PTPRG: variants seen among roughly 807,000 people sequenced by gnomAD.
PTPRG encodes the protein protein tyrosine phosphatase receptor type G.
In PTPRG, 102 loss-of-function variants were observed where a neutral mutation model predicts 165.3. The observed-to-expected ratio is 0.62, with a 90% confidence interval of 0.53 to 0.73. The LOEUF is 0.73. Among genes scored for constraint, PTPRG ranks in the 30% least tolerant of loss-of-function variants. PTPRG has a pLI of 0.00. For synonymous variants in PTPRG, 675 were observed against 669.5 expected, an observed-to-expected ratio of 1.01 and a Z score of -0.13; for missense variants, 1,866 against 1,861.4, an observed-to-expected ratio of 1.00 and a Z score of -0.05.
At chr3:61,952,605 GCCGGAGTTCTCAGGACA>G (rs1289881773) in intron 2 of PTPRG, among the ~76,000 whole-genome samples, 2 of 152,010 alleles carry the variant, frequency 1.3e-5, no homozygotes, top group African/African-American at 4.8e-5. Context: ...CCTCCTTGAC[GCCGGAGTTCTCAGGACA>G]CCTTAAAACC....
At chr3:62,053,329 C>A (rs954226760) in intron 4 of PTPRG, among the ~76,000 whole-genome samples, 2 of 142,750 alleles carry the variant, frequency 1.4e-5, no homozygotes, top group African/African-American at 2.6e-5. Flanking sequence ...TGCAGTGGTG[C>A]TATCTCAGCT....
chr3:61,620,009 G>T (rs1701405282), intron 1 of PTPRG, among the ~76,000 whole-genome samples: 1 of 152,220 alleles, frequency 6.6e-6, no homozygotes, highest in African/African-American at 2.4e-5. Flanking sequence ...AAGATTGGCT[G>T]TGTAGAGCCA....
intron 6 of PTPRG, among the ~76,000 whole-genome samples, chr3:62,137,194 G>A (rs1703741259): frequency 6.6e-6 from 1 of 152,138 alleles, no homozygotes; most frequent in African/African-American, 2.4e-5. Flanking sequence ...GGGGAAAATT[G>A]TAAATCCTAT....
rs142688115 is a variant in PTPRG, at chr3:61,823,953, C to T, written c.190+74971C>T. ...CATCCTGGCTAACACAGGGAAACCC[C>T]GTCTCTACTAAATTACAAAAATTAG... On this transcript the variant is annotated intron_variant, in intron 2 of 29. Coordinates refer to ENST00000474889, the MANE Select transcript of PTPRG (RefSeq NM_002841.4). Among the ~76,000 whole-genome samples, 1,008 of 152,194 alleles carry T rather than the reference C, an allele frequency of 6.6e-3. 5 individuals are homozygous for T. Among genetic ancestry groups the T allele is most frequent in the Non-Finnish European group, 9.0e-3 (615 of 68,006 alleles).
At chr3:61,695,208 A>G (rs929708715) in intron 1 of PTPRG, among the ~76,000 whole-genome samples, 2 of 152,054 alleles carry the variant, frequency 1.3e-5, no homozygotes, top group Non-Finnish European at 2.9e-5. Flanking sequence ...ACAGGATTTC[A>G]CCATGTTGCC....
chr3:61,799,920 A>G (rs567326003), intron 2 of PTPRG, among the ~76,000 whole-genome samples: 1 of 152,326 alleles, frequency 6.6e-6, no homozygotes, highest in South Asian at 2.1e-4. Flanking sequence ...ATGCTGTACT[A>G]TCACAGTTAA....
intron 1 of PTPRG, among the ~76,000 whole-genome samples, chr3:61,718,027 A>G (rs988802419): frequency 3.3e-5 from 5 of 151,486 alleles, no homozygotes; most frequent in Admixed American, 2.0e-4. Context: ...TAAAAATAAA[A>G]AAATTAGCCG....
chr3:62,123,312 C>T (rs769156971), intron 5 of PTPRG, among the ~76,000 whole-genome samples: 1 of 152,194 alleles, frequency 6.6e-6, no homozygotes, highest in Admixed American at 6.5e-5. Context: ...TTGGCATTAT[C>T]ATAGCTCACT....
chr3:61,738,313 C>CATATATAT (rs1287861300), intron 1 of PTPRG, among the ~76,000 whole-genome samples: 2 of 76,194 alleles, frequency 2.6e-5, no homozygotes, highest in South Asian at 5.6e-4. Context: ...TATATATATA[C>CATATATAT]ATATATATAT....
intron 2 of PTPRG, among the ~76,000 whole-genome samples, chr3:61,863,086 A>T (rs1325986879): frequency 6.6e-6 from 1 of 152,198 alleles, no homozygotes; most frequent in African/African-American, 2.4e-5. Flanking sequence ...GTTGTCTTGA[A>T]TGCACTGCAC....
intron 1 of PTPRG, among the ~76,000 whole-genome samples, chr3:61,644,047 A>G (rs1263345456): frequency 6.6e-6 from 1 of 152,154 alleles, no homozygotes; most frequent in African/African-American, 2.4e-5. Flanking sequence ...CATTTAAATT[A>G]TACAGTGCAC....
rs570924613 is a variant in PTPRG, at chr3:62,262,944, C to T, written c.2656+50C>T. The T allele has an allele frequency of 2.2e-6, 3 of 1,395,274 alleles. No homozygotes were observed. In the African/African-American group the frequency reaches 4.3e-5, roughly 20 times the overall value. The allele number at this position is 1,395,274 out of a possible 1,614,324, so 86.4% of individuals were successfully genotyped here. A position where few individuals can be genotyped will look rare whatever the true frequency, so the allele number is the denominator to read the frequency against. The stretch of plus-strand genomic sequence containing the variant: ...TTCAACTGCGAGGAAATTAAATTTT[C>T]ATGCTGGGTATAAGCTGAAAGCCAA... On this transcript the variant is annotated intron_variant, in intron 17 of 29. Transcript: ENST00000474889.
At chr3:62,083,951 G>A (rs569860543) in intron 5 of PTPRG, among the ~76,000 whole-genome samples, 2 of 152,230 alleles carry the variant, frequency 1.3e-5, no homozygotes, top group South Asian at 2.1e-4. Flanking sequence ...ATCTTAAGGG[G>A]AACATCTCAT....
intron 3 of PTPRG, among the ~76,000 whole-genome samples, chr3:62,000,665 C>T (rs527622957): frequency 6.6e-6 from 1 of 152,304 alleles, no homozygotes; most frequent in African/African-American, 2.4e-5. Context: ...TTTGAGCCAC[C>T]CCCGCTCTTC....
chr3:62,175,372 T>C (rs1258727677), intron 8 of PTPRG, among the ~76,000 whole-genome samples: 2 of 152,144 alleles, frequency 1.3e-5, no homozygotes, highest in Non-Finnish European at 2.9e-5. Context: ...TCCCAGCTTC[T>C]TGGGAGGTAG....
intron 17 of PTPRG, among the ~76,000 whole-genome samples, chr3:62,265,737 C>T (rs1222754520): frequency 2.0e-5 from 3 of 152,042 alleles, no homozygotes; most frequent in East Asian, 3.9e-4. Context: ...AATCAAGGCT[C>T]ACCACTGCTG....
Position 62,297,071 on chromosome 3 carries a change from C to T in PTPRG, c.*3764C>T, listed in dbSNP as rs774678333. 6.6e-5 allele frequency: 10 copies of T among 152,042 alleles called. No individual in the cohort carries two copies. The highest frequency in any genetic ancestry group is 1.3e-4 in the Non-Finnish European group (9 of 67,964). The allele number at this position is 152,042 out of a possible 1,614,324, so 9.4% of individuals were successfully genotyped here. A position where few individuals can be genotyped will look rare whatever the true frequency, so the allele number is the denominator to read the frequency against. ...TTCACATTGACTCATGTTTCTTTCA[C>T]TCCATTTTGAAATAGCTAAAAATCA... is the stretch of plus-strand genomic sequence containing the variant. On this transcript the variant is annotated 3_prime_UTR_variant, in exon 30 of 30. Transcript: ENST00000474889.
chr3:61,785,468 A>G (rs1399490988), intron 2 of PTPRG, among the ~76,000 whole-genome samples: 1 of 152,218 alleles, frequency 6.6e-6, no homozygotes, highest in Non-Finnish European at 1.5e-5. Flanking sequence ...CAGGCTAATT[A>G]AAGACCTTCC....
chr3:61,982,481 T>G lies in PTPRG; in HGVS notation c.191-7144T>G, dbSNP rs561412636. Reference sequence around the variant, plus strand: ...ACCTAAACATGCATAGGTCAAAGACTTTTAAGTCTTTAAAGGACCTTCAGA... The same window carrying G: ...ACCTAAACATGCATAGGTCAAAGACGTTTAAGTCTTTAAAGGACCTTCAGA... On this transcript the variant is annotated intron_variant, in intron 2 of 29. Transcript: ENST00000474889. Among the ~76,000 whole-genome samples the G allele has an allele frequency of 1.8e-4, 28 of 152,300 alleles. No homozygotes were observed. In the East Asian group the frequency reaches 4.4e-3, roughly 24 times the overall value.
Sources: allele counts gnomAD v4.1 joint callset (sites outside exome capture counted in the v4.1 genomes callset), GRCh38; gene constraint gnomAD v4.1.1; transcripts MANE v1.5; gene names NCBI Gene and HGNC (gene_info 2026-07-23, HGNC 2026-07-21).